The following FAF1 variants were observed in gnomAD, a reference collection of about 807,000 sequenced individuals.
FAF1 encodes Fas associated factor 1.
In FAF1, 25 loss-of-function variants were observed where a neutral mutation model predicts 92.5. That is an observed-to-expected ratio of 0.27 (90% CI 0.20 to 0.38). The LOEUF (loss-of-function observed/expected upper bound fraction) is 0.38, where lower values mean the gene tolerates loss of function less well. Ranked by LOEUF, FAF1 falls within the 10% of genes least tolerant of loss-of-function variation. The pLI, the probability that FAF1 is intolerant of heterozygous loss-of-function variation, is 1.00. For missense variants in FAF1, 636 were observed against 793.3 expected (o/e 0.80, Z 2.38); for synonymous variants, 234 against 273.2 (o/e 0.86, Z 1.42).
At chr1:50,807,058 A>G (rs1297469029) in intron 2 of FAF1, among the ~76,000 whole-genome samples, 2 of 152,228 alleles carry the variant, frequency 1.3e-5, no homozygotes, top group Non-Finnish European at 2.9e-5. Context: ...GGCTGAAACG[A>G]AAGAAACAGA....
At chr1:50,694,328 T>G (rs1157157022) in intron 7 of FAF1, among the ~76,000 whole-genome samples, 1 of 152,126 alleles carries the variant, frequency 6.6e-6, no homozygotes, top group African/African-American at 2.4e-5. Context: ...GTGCCTTTGA[T>G]AACAGAACAC....
At chr1:50,655,642 A>G in intron 7 of FAF1, 114 bp from the exon 8 acceptor site, 1 of 655,850 alleles carries the variant, frequency 1.5e-6, no homozygotes, top group Middle Eastern at 2.7e-4. Flanking sequence ...ATTCAAAACA[A>G]GAATTTGAAA....
At chr1:50,785,516 G>C (rs1013526882) in intron 4 of FAF1, among the ~76,000 whole-genome samples, 6 of 151,694 alleles carry the variant, frequency 4.0e-5, no homozygotes, top group African/African-American at 7.3e-5. Flanking sequence ...TGGCCAACAG[G>C]TATATGAAAA....
At chr1:50,556,832 T>C (rs754613817) in intron 13 of FAF1, among the ~76,000 whole-genome samples, 18 of 149,648 alleles carry the variant, frequency 1.2e-4, no homozygotes, top group Non-Finnish European at 1.9e-4. Context: ...GCAAGACCCC[T>C]GTCTCAAACA....
intron 15 of FAF1, among the ~76,000 whole-genome samples, chr1:50,492,335 T>TACCAC (rs923835040): frequency 1.2e-4 from 18 of 152,102 alleles, no homozygotes; most frequent in African/African-American, 3.4e-4. Context: ...CCTCATTCCA[T>TACCAC]ACCACACCAC....
chr1:50,620,510 A>G (rs1335274547), intron 8 of FAF1, among the ~76,000 whole-genome samples: 3 of 152,194 alleles, frequency 2.0e-5, no homozygotes, highest in African/African-American at 4.8e-5. Context: ...CTGAATCTCA[A>G]TGCACTTCGT....
chr1:50,793,539 G>A (rs555018783), intron 3 of FAF1, among the ~76,000 whole-genome samples: 1 of 152,248 alleles, frequency 6.6e-6, no homozygotes, highest in South Asian at 2.1e-4. Flanking sequence ...CTCGGTAACT[G>A]GTAGATATTC....
intron 12 of FAF1, among the ~76,000 whole-genome samples, chr1:50,580,577 TAAAAG>T (rs1650944137): frequency 6.6e-6 from 1 of 151,830 alleles, no homozygotes; most frequent in Non-Finnish European, 1.5e-5. Flanking sequence ...TAAAATACTA[TAAAAG>T]AAGTTATAAT....
intron 8 of FAF1, among the ~76,000 whole-genome samples, chr1:50,597,933 A>G (rs1651908436): frequency 6.6e-6 from 1 of 152,200 alleles, no homozygotes; most frequent in South Asian, 2.1e-4. Flanking sequence ...TGGACTTTTA[A>G]ACTCAGAGTG....
chr1:50,758,256 G>A (rs1025790078), intron 4 of FAF1, among the ~76,000 whole-genome samples: 3 of 152,044 alleles, frequency 2.0e-5, no homozygotes, highest in African/African-American at 7.2e-5. Context: ...GTTTCACCAT[G>A]TTGGCAAGGA....
intron 2 of FAF1, among the ~76,000 whole-genome samples, chr1:50,825,528 A>T (rs886298982): frequency 3.3e-5 from 5 of 152,048 alleles, no homozygotes; most frequent in Admixed American, 6.6e-5. Context: ...TGAGCACATG[A>T]TCAAAACAGA....
chr1:50,639,063 G>A (rs1397079310), intron 8 of FAF1, among the ~76,000 whole-genome samples: 1 of 152,056 alleles, frequency 6.6e-6, no homozygotes, highest in Non-Finnish European at 1.5e-5. Flanking sequence ...TCATAAATGT[G>A]GAATCACACA....
At chr1:50,666,567 A>T (rs1655643049) in intron 7 of FAF1, among the ~76,000 whole-genome samples, 1 of 152,120 alleles carries the variant, frequency 6.6e-6, no homozygotes, top group African/African-American at 2.4e-5. Context: ...TTTGCACTTA[A>T]TTCTAAACAG....
intron 3 of FAF1, among the ~76,000 whole-genome samples, chr1:50,801,231 A>C (rs975686695): frequency 6.6e-6 from 1 of 152,196 alleles, no homozygotes; most frequent in African/African-American, 2.4e-5. Flanking sequence ...AGAACCCAAA[A>C]GGGAAGGAGA....
intron 13 of FAF1, among the ~76,000 whole-genome samples, chr1:50,552,631 T>C (rs1234650387): frequency 1.3e-5 from 2 of 152,166 alleles, no homozygotes; most frequent in Non-Finnish European, 2.9e-5. Context: ...AAAAGAATGA[T>C]GGTGAAGCCT....
chr1:50,913,675 C>T (rs1644901612), intron 1 of FAF1, among the ~76,000 whole-genome samples: 1 of 152,086 alleles, frequency 6.6e-6, no homozygotes, highest in Admixed American at 6.6e-5. Context: ...AGTCTGTACA[C>T]ATTATATTGG....
chr1:50,544,483 T>C (rs1229818631), intron 13 of FAF1, among the ~76,000 whole-genome samples: 2 of 152,154 alleles, frequency 1.3e-5, no homozygotes, highest in Admixed American at 6.6e-5. Context: ...TTGAGACACA[T>C]TGCTTTCTGG....
At chr1:50,829,459 A>AC (rs1644133458) in intron 2 of FAF1, among the ~76,000 whole-genome samples, 1 of 152,210 alleles carries the variant, frequency 6.6e-6, no homozygotes, top group East Asian at 1.9e-4. Flanking sequence ...AAATCAATTC[A>AC]CCCCCAACAA....
chr1:50,757,567 T>G (rs1249485728), intron 4 of FAF1, among the ~76,000 whole-genome samples: 3 of 152,204 alleles, frequency 2.0e-5, no homozygotes, highest in Non-Finnish European at 4.4e-5. Flanking sequence ...ACATAGATCC[T>G]TCAGGTTATG....
Sources: gnomAD v4.1 joint callset for allele counts (sites outside exome capture counted in the v4.1 genomes callset) on GRCh38, gnomAD v4.1.1 for gene constraint, MANE v1.5 for transcripts, NCBI Gene and HGNC (gene_info 2026-07-23, HGNC 2026-07-21) for gene names.